MTUS2: variants seen among roughly 807,000 people sequenced by gnomAD.
The protein encoded by MTUS2 is microtubule associated scaffold protein 2.
A neutral mutation model predicts 114.1 loss-of-function variants in MTUS2; 40 were observed. That is an observed-to-expected ratio of 0.35 (90% confidence interval 0.27 to 0.46). The LOEUF (loss-of-function observed/expected upper bound fraction) is 0.46, where lower values mean the gene tolerates loss of function less well. Ranked by LOEUF, MTUS2 falls within the 20% of genes least tolerant of loss-of-function variation. The pLI is 1.00. For synonymous variants in MTUS2, 688 were observed against 672.0 expected (o/e 1.02, Z -0.37); for missense variants, 1,679 against 1,705.4 (o/e 0.98, Z 0.27).
At chr13:29,225,875 A>C (rs901629004) in intron 5 of MTUS2, among the ~76,000 whole-genome samples, 1 of 152,178 alleles carries the variant, frequency 6.6e-6, no homozygotes, top group Non-Finnish European at 1.5e-5. Context: ...TTTTTCAACA[A>C]TTTGTCAACA....
At chr13:29,310,832 T>C (rs1024352517) in intron 6 of MTUS2, among the ~76,000 whole-genome samples, 9 of 152,194 alleles carry the variant, frequency 5.9e-5, no homozygotes, top group Non-Finnish European at 1.0e-4. Context: ...TTTAGTGTTG[T>C]CTAGTAAACT....
chr13:29,237,926 G>A (rs1158768049), intron 5 of MTUS2, among the ~76,000 whole-genome samples: 2 of 151,896 alleles, frequency 1.3e-5, no homozygotes, highest in Admixed American at 6.6e-5. Flanking sequence ...TCATAAGAAT[G>A]TAAAAAAAAG....
intron 4 of MTUS2, among the ~76,000 whole-genome samples, chr13:29,088,700 G>A (rs907177076): frequency 6.6e-6 from 1 of 152,146 alleles, no homozygotes; most frequent in Non-Finnish European, 1.5e-5. Flanking sequence ...AACCCTTTAT[G>A]ATTATGTAAT....
At chr13:29,033,830 G>A in intron 3 of MTUS2, 55 bp from the exon 4 acceptor site, 1 of 1,605,006 alleles carries the variant, frequency 6.2e-7, no homozygotes, top group Non-Finnish European at 8.5e-7. Context: ...GTCCTGTATA[G>A]AACTCACACT....
At chr13:29,156,517 G>A (rs958023252) in intron 5 of MTUS2, among the ~76,000 whole-genome samples, 1 of 152,066 alleles carries the variant, frequency 6.6e-6, no homozygotes, top group Non-Finnish European at 1.5e-5. Flanking sequence ...ATGAGGGGAA[G>A]CAGTGCCAAA....
At chr13:29,172,019 A>G (rs534656964) in intron 5 of MTUS2, among the ~76,000 whole-genome samples, 1 of 152,172 alleles carries the variant, frequency 6.6e-6, no homozygotes, top group Non-Finnish European at 1.5e-5. Context: ...ATGCCCCACT[A>G]AAGTAATTGG....
At chr13:29,470,641 C>T (rs1215706812) in intron 9 of MTUS2, among the ~76,000 whole-genome samples, 4 of 152,216 alleles carry the variant, frequency 2.6e-5, no homozygotes, top group Non-Finnish European at 4.4e-5. Flanking sequence ...CCTGTTATCC[C>T]GTTTGATACT....
At chr13:29,010,630 TC>T (rs1403047531) in intron 2 of MTUS2, among the ~76,000 whole-genome samples, 35 of 151,880 alleles carry the variant, frequency 2.3e-4, no homozygotes, top group African/African-American at 7.5e-4. Context: ...GGAAGTTCTG[TC>T]CCCCTGCTGT....
Position 29,150,830 on chromosome 13 carries a change from C to T in MTUS2, c.2644+49860C>T, listed in dbSNP as rs530135525. ...CATGGCTTATTTTTGTTGACTTTGT[C>T]AAAGATCAGTTGGTTGTATTAATAG... On this transcript the variant is annotated intron_variant, in intron 5 of 15. Transcript: ENST00000612955. Among the ~76,000 whole-genome samples, 175 of 152,176 alleles carry T rather than the reference C, an allele frequency of 1.1e-3. 1 individual carries two copies. The highest frequency in any genetic ancestry group is 3.3e-3 in the South Asian group (16 of 4,820).
intron 5 of MTUS2, among the ~76,000 whole-genome samples, chr13:29,125,831 A>G (rs1417199814): frequency 1.3e-5 from 2 of 152,212 alleles, no homozygotes; most frequent in Non-Finnish European, 2.9e-5. Flanking sequence ...CACTTCCTGC[A>G]CAGAGCCACA....
intron 5 of MTUS2, among the ~76,000 whole-genome samples, chr13:29,238,388 A>T (rs964922476): frequency 6.6e-6 from 1 of 152,210 alleles, no homozygotes; most frequent in East Asian, 1.9e-4. Flanking sequence ...CAAGCTGAGG[A>T]GCAAGGAAGC....
chr13:29,490,602 C>T (rs1262188740), intron 11 of MTUS2, among the ~76,000 whole-genome samples: 3 of 152,258 alleles, frequency 2.0e-5, no homozygotes, highest in Non-Finnish European at 2.9e-5. Flanking sequence ...TGTTTCAAAC[C>T]CTCCAAGAGG....
At chr13:29,308,293 T>G (rs1043444277) in intron 6 of MTUS2, among the ~76,000 whole-genome samples, 1 of 152,192 alleles carries the variant, frequency 6.6e-6, no homozygotes, top group Admixed American at 6.5e-5. Flanking sequence ...TTTACAAAAG[T>G]AAGCAATGGG....
intron 9 of MTUS2, among the ~76,000 whole-genome samples, chr13:29,441,481 G>A (rs865966046): frequency 9.9e-5 from 15 of 152,214 alleles, no homozygotes; most frequent in African/African-American, 3.6e-4. Context: ...AGTGACAGCT[G>A]CAGTGATGAC....
At chr13:28,905,004 C>T (rs1210555897) in intron 2 of MTUS2, among the ~76,000 whole-genome samples, 2 of 151,478 alleles carry the variant, frequency 1.3e-5, no homozygotes, top group African/African-American at 4.9e-5. Flanking sequence ...GTATTTTATT[C>T]TCTTTGAAGC....
intron 7 of MTUS2, among the ~76,000 whole-genome samples, chr13:29,336,536 G>A (rs111278085): frequency 0.08 from 12,206 of 152,132 alleles, 1,553 homozygotes; most frequent in African/African-American, 0.27. Flanking sequence ...AAGGGCACCC[G>A]CCGGACGCCA....
chr13:29,343,075 G>T (rs1369688912), intron 7 of MTUS2, among the ~76,000 whole-genome samples: 3 of 151,756 alleles, frequency 2.0e-5, no homozygotes, highest in Non-Finnish European at 4.4e-5. Flanking sequence ...ATTTTGTTGA[G>T]GATTTTTACA....
At chr13:29,224,414 T>G (rs1204021944) in intron 5 of MTUS2, among the ~76,000 whole-genome samples, 1 of 152,124 alleles carries the variant, frequency 6.6e-6, no homozygotes, top group Non-Finnish European at 1.5e-5. Flanking sequence ...TTTTTTAATG[T>G]CTTTTTTTTT....
intron 5 of MTUS2, among the ~76,000 whole-genome samples, chr13:29,119,809 A>G (rs1299263201): frequency 6.6e-6 from 1 of 152,206 alleles, no homozygotes; most frequent in East Asian, 1.9e-4. Context: ...AAATGCTAAT[A>G]TCTTCCAGAA....
Sources: gnomAD v4.1 joint callset for allele counts (sites outside exome capture counted in the v4.1 genomes callset) on GRCh38, gnomAD v4.1.1 for gene constraint, MANE v1.5 for transcripts, NCBI Gene and HGNC (gene_info 2026-07-23, HGNC 2026-07-21) for gene names.